The following KIAA1549L variants were observed in gnomAD, a reference collection of about 807,000 sequenced individuals.
KIAA1549L encodes the protein KIAA1549 like, also known as UPF0606 protein KIAA1549L.
A neutral mutation model predicts 160.7 loss-of-function variants in KIAA1549L; 88 were observed. The observed-to-expected ratio is 0.55, with a 90% CI of 0.46 to 0.65. The LOEUF (loss-of-function observed/expected upper bound fraction) is 0.65. Among genes scored for constraint, KIAA1549L ranks in the 30% least tolerant of loss-of-function variants. The pLI, the probability that KIAA1549L is intolerant of heterozygous loss-of-function variation, is 0.00. For synonymous variants in KIAA1549L, 950 were observed against 976.7 expected (o/e 0.97, Z 0.51); for missense variants, 2,258 against 2,437.5 (o/e 0.93, Z 1.55).
chr11:33,437,651 C>G (rs1212513939), intron 1 of KIAA1549L, among the ~76,000 whole-genome samples: 2 of 152,218 alleles, frequency 1.3e-5, no homozygotes, highest in Non-Finnish European at 2.9e-5. Flanking sequence ...TAAATAGCAG[C>G]TGTTACAAAT....
At chr11:33,422,411 C>T (rs1370589123) in intron 1 of KIAA1549L, among the ~76,000 whole-genome samples, 1 of 152,036 alleles carries the variant, frequency 6.6e-6, no homozygotes, top group Non-Finnish European at 1.5e-5. Flanking sequence ...TGCTCCCTCA[C>T]ACTTACTCCC....
At chr11:33,560,051 C>A in intron 7 of KIAA1549L, 140 bp downstream of exon 7, 3 of 816,164 alleles carry the variant, frequency 3.7e-6, no homozygotes, top group African/African-American at 1.7e-5. Flanking sequence ...ATTAAGGTGA[C>A]AGCTAAATAT....
Position 33,457,906 on chromosome 11 carries a change from G to A in KIAA1549L, c.238+81017G>A, listed in dbSNP as rs114029674. Among the ~76,000 whole-genome samples the A allele has an allele frequency of 5.0e-3, 764 of 152,246 alleles. 5 individuals are homozygous for A. Among genetic ancestry groups the A allele is most frequent in the African/African-American group, 0.017 (711 of 41,542 alleles). ...AGGACCAAGGGGCCAGGCCCACACA[G>A]AGTCCACACTCTCTCTTCTACAGTC... On this transcript the variant is annotated intron_variant, in intron 1 of 20. Transcript: ENST00000658780.
At chr11:33,561,579 C>A (rs1296812978) in intron 7 of KIAA1549L, 97 bp from the exon 8 acceptor site, 13 of 974,368 alleles carry the variant, frequency 1.3e-5, no homozygotes, top group African/African-American at 4.9e-5. Context: ...ACAGCCTGGG[C>A]AACATATCAA....
Position 33,568,209 on chromosome 11 carries a change from G to A in KIAA1549L, c.4212G>A (p.Leu1404=). The change falls in exon 9 of 21, where the codon CTG becomes CTA. Residue 1404 remains leucine, a synonymous_variant. Coordinates refer to ENST00000658780, the MANE Select transcript of KIAA1549L (RefSeq NM_012194.3). ...QGRRFKRATT[L]GSYTVQMVKM... is the part of the protein sequence containing the mutation. ...GGCGGTTTAAACGGGCCACCACCCTGGGAAGCTACACTGTGCAGGTAGGTG... is the reference window on the plus strand; with the variant it reads ...GGCGGTTTAAACGGGCCACCACCCTAGGAAGCTACACTGTGCAGGTAGGTG... The A allele has an allele frequency of 6.2e-7, 1 of 1,613,508 alleles. No homozygotes were observed. Among genetic ancestry groups the A allele is most frequent in the Non-Finnish European group, 8.5e-7 (1 of 1,179,708 alleles).
rs961487370 is a variant in KIAA1549L at position 33,672,979 on chromosome 11, A to AT, written c.*4831dup. ...ATTGGTTTCAAGTGAAACTTACATT[A>AT]TTTTTTGGCTGTGACCTTCTGAATA... On this transcript the variant is annotated 3_prime_UTR_variant, in exon 21 of 21. Transcript: ENST00000658780. 18 of 153,374 alleles carry AT rather than the reference A, an allele frequency of 1.2e-4. No homozygotes were observed. The highest frequency in any genetic ancestry group is 3.9e-4 in the African/African-American group (16 of 41,556). 9.5% of individuals were successfully genotyped at this position (153,374 alleles called of 1,614,324 possible). A position where few individuals can be genotyped will look rare whatever the true frequency, so the allele number is the denominator to read the frequency against.
intron 1 of KIAA1549L, among the ~76,000 whole-genome samples, chr11:33,504,028 G>C (rs1853018004): frequency 6.6e-6 from 1 of 152,256 alleles, no homozygotes. Flanking sequence ...GGGAGGCCGA[G>C]GCAGGTGGAT....
rs962962399 is a variant in KIAA1549L, at chr11:33,504,085, C to A, written c.239-37717C>A. Among the ~76,000 whole-genome samples, 4 of 151,662 alleles carry A rather than the reference C, an allele frequency of 2.6e-5. No individual in the cohort carries two copies. The East Asian group carries it at 5.8e-4, about 22-fold the overall frequency. ...GACCAGCCTGGCCAAAATGGTGAAA[C>A]CCCCATCTCTACTAAAAATACAAAA... On this transcript the variant is annotated intron_variant, in intron 1 of 20. Coordinates refer to ENST00000658780, the MANE Select transcript of KIAA1549L (RefSeq NM_012194.3).
intron 1 of KIAA1549L, among the ~76,000 whole-genome samples, chr11:33,510,007 G>A (rs1344699970): frequency 6.6e-6 from 1 of 152,168 alleles, no homozygotes; most frequent in Non-Finnish European, 1.5e-5. Context: ...TGGGTTTTGA[G>A]GGAGGCTTTG....
At chr11:33,548,543 A>G (rs1464551704) in intron 4 of KIAA1549L, among the ~76,000 whole-genome samples, 1 of 152,180 alleles carries the variant, frequency 6.6e-6, no homozygotes, top group African/African-American at 2.4e-5. Context: ...TTTCATCACT[A>G]TTGTAAACAG....
intron 20 of KIAA1549L, among the ~76,000 whole-genome samples, chr11:33,666,300 C>A (rs1852450010): frequency 6.6e-6 from 1 of 152,202 alleles, no homozygotes; most frequent in Non-Finnish European, 1.5e-5. Flanking sequence ...AGTGTGCAGC[C>A]CTAGCCACGC....
chr11:33,432,739 T>C (rs1249451279), intron 1 of KIAA1549L, among the ~76,000 whole-genome samples: 1 of 152,128 alleles, frequency 6.6e-6, no homozygotes, highest in Non-Finnish European at 1.5e-5. Context: ...AAGAGACATA[T>C]AGACCAATGA....
intron 2 of KIAA1549L, 93 bp downstream of exon 2, chr11:33,544,429 A>T: frequency 7.4e-7 from 1 of 1,348,140 alleles, no homozygotes; most frequent in Non-Finnish European, 1.0e-6. Flanking sequence ...CTCAACGCAG[A>T]TACCAGCTTT....
At chr11:33,597,752 C>T (rs1489027143) in intron 12 of KIAA1549L, among the ~76,000 whole-genome samples, 1 of 152,092 alleles carries the variant, frequency 6.6e-6, no homozygotes, top group African/African-American at 2.4e-5. Flanking sequence ...TGTGACTTGC[C>T]CTGTGTGAAG....
At chr11:33,596,351 A>C (rs1850199524) in intron 12 of KIAA1549L, among the ~76,000 whole-genome samples, 1 of 152,210 alleles carries the variant, frequency 6.6e-6, no homozygotes, top group Admixed American at 6.5e-5. Context: ...TTTGCTACAG[A>C]AATTTGCTCA....
chr11:33,544,456 T>A lies in KIAA1549L; in HGVS notation c.2773+120T>A, dbSNP rs540046942. ...ACCAGCTTTGCTCTGAAGGAGCTCA[T>A]ACCCCCGATCAGGAATGAGTTAGTA... On this transcript the variant is annotated intron_variant, in intron 2 of 20. Coordinates refer to ENST00000658780, the MANE Select transcript of KIAA1549L (RefSeq NM_012194.3). The A allele has an allele frequency of 2.5e-5, 27 of 1,091,810 alleles. No individual in the cohort carries two copies. The South Asian group carries it at 3.6e-4, about 15-fold the overall frequency. 67.6% of individuals were successfully genotyped at this position (1,091,810 alleles called of 1,614,324 possible).
intron 14 of KIAA1549L, among the ~76,000 whole-genome samples, chr11:33,607,761 G>A (rs571624112): frequency 1.3e-4 from 20 of 152,240 alleles, no homozygotes; most frequent in African/African-American, 4.8e-4. Flanking sequence ...TTGTAAATAC[G>A]CAGCATCTGG....
chr11:33,547,226 A>G (rs1211144761), intron 3 of KIAA1549L, among the ~76,000 whole-genome samples: 1 of 152,218 alleles, frequency 6.6e-6, no homozygotes, highest in African/African-American at 2.4e-5. Flanking sequence ...CCTGATCCCC[A>G]TCCCTTTACC....
At chr11:33,524,976 A>G (rs1853579727) in intron 1 of KIAA1549L, among the ~76,000 whole-genome samples, 2 of 152,234 alleles carry the variant, frequency 1.3e-5, no homozygotes, top group African/African-American at 2.4e-5. Flanking sequence ...AAAGGGATTT[A>G]TCATAAGAAA....
Sources: allele counts gnomAD v4.1 joint callset (sites outside exome capture counted in the v4.1 genomes callset), GRCh38; gene constraint gnomAD v4.1.1; transcripts MANE v1.5; gene names NCBI Gene and HGNC (gene_info 2026-07-23, HGNC 2026-07-21).